The following CACNB2 variants were observed in gnomAD, a reference collection of about 807,000 sequenced individuals.
The protein encoded by CACNB2 is calcium voltage-gated channel auxiliary subunit beta 2.
In CACNB2, 42 loss-of-function variants were observed where a neutral mutation model predicts 73.3. The observed-to-expected ratio is 0.57, with a 90% CI of 0.45 to 0.74. The LOEUF is 0.74. CACNB2 is among the 30% of genes least tolerant of loss of function. The pLI is 0.00. For missense variants in CACNB2, 940 were observed against 853.0 expected, an observed-to-expected ratio of 1.10 and a Z score of -1.27; for synonymous variants, 348 against 310.3, an observed-to-expected ratio of 1.12 and a Z score of -1.28.
chr10:18,149,271 A>G (rs904871149), intron 1 of CACNB2, among the ~76,000 whole-genome samples: 2 of 152,192 alleles, frequency 1.3e-5, no homozygotes, highest in Non-Finnish European at 2.9e-5. Flanking sequence ...TTACATAATA[A>G]TTGGAAAAGA....
intron 5 of CACNB2, among the ~76,000 whole-genome samples, chr10:18,502,116 G>T (rs953176328): frequency 3.3e-5 from 5 of 152,180 alleles, no homozygotes; most frequent in African/African-American, 1.2e-4. Flanking sequence ...AGACGAGCCT[G>T]GCCAACATGG....
intron 3 of CACNB2, among the ~76,000 whole-genome samples, chr10:18,421,083 T>A (rs754456290): frequency 1.3e-5 from 2 of 152,180 alleles, no homozygotes; most frequent in Non-Finnish European, 2.9e-5. Flanking sequence ...AAAATTCATA[T>A]GTATGTAAAA....
intron 2 of CACNB2, among the ~76,000 whole-genome samples, chr10:18,174,373 TTC>T (rs1281974927): frequency 4.6e-5 from 4 of 87,324 alleles, no homozygotes; most frequent in Non-Finnish European, 8.6e-5. Flanking sequence ...TTTTCTTTCT[TTC>T]TCTTTTTCTT....
chr10:18,428,504 T>C (rs1396286509), intron 3 of CACNB2, among the ~76,000 whole-genome samples: 1 of 152,134 alleles, frequency 6.6e-6, no homozygotes, highest in East Asian at 1.9e-4. Context: ...TTGGCCAACA[T>C]GGTGAAACCC....
intron 3 of CACNB2, among the ~76,000 whole-genome samples, chr10:18,434,488 G>T (rs1352209502): frequency 6.6e-6 from 1 of 152,090 alleles, no homozygotes; most frequent in Non-Finnish European, 1.5e-5. Context: ...GTGATTTTCA[G>T]GACACAACCT....
chr10:18,301,702 G>A (rs1416398489), intron 2 of CACNB2, among the ~76,000 whole-genome samples: 2 of 150,704 alleles, frequency 1.3e-5, no homozygotes, highest in African/African-American at 2.4e-5. Context: ...AGGCTGGAGT[G>A]CAGTGGCACA....
At chr10:18,384,384 G>A (rs891867375) in intron 2 of CACNB2, among the ~76,000 whole-genome samples, 5 of 152,076 alleles carry the variant, frequency 3.3e-5, no homozygotes, top group African/African-American at 1.2e-4. Flanking sequence ...GTCTTTCATA[G>A]AAAATGACCT....
At chr10:18,450,141 C>T (rs16917373) in intron 3 of CACNB2, among the ~76,000 whole-genome samples, 4,283 of 152,242 alleles carry the variant, frequency 0.028, 216 homozygotes, top group African/African-American at 0.099. Context: ...GGTTAATGTG[C>T]AGTTCCAACC....
intron 2 of CACNB2, among the ~76,000 whole-genome samples, chr10:18,358,509 T>G (rs2042013143): frequency 1.8e-5 from 1 of 54,868 alleles, no homozygotes; most frequent in Non-Finnish European, 4.1e-5. Context: ...TCTCTCTCTC[T>G]CTCTCTCTCT....
At chr10:18,443,800 C>T (rs907860719) in intron 3 of CACNB2, among the ~76,000 whole-genome samples, 4 of 151,744 alleles carry the variant, frequency 2.6e-5, no homozygotes, top group African/African-American at 9.7e-5. Context: ...CTGAAACCTC[C>T]ACCTCCCAGG....
intron 2 of CACNB2, among the ~76,000 whole-genome samples, chr10:18,368,754 T>C (rs1333760333): frequency 1.3e-5 from 2 of 152,174 alleles, no homozygotes; most frequent in African/African-American, 4.8e-5. Flanking sequence ...ACCTGTTATA[T>C]ATGATTATGC....
intron 2 of CACNB2, among the ~76,000 whole-genome samples, chr10:18,379,064 G>GT (rs2042913736): frequency 6.6e-6 from 1 of 152,070 alleles, no homozygotes; most frequent in East Asian, 1.9e-4. Context: ...CTGTGTGTCA[G>GT]TTTTTTATTG....
intron 2 of CACNB2, among the ~76,000 whole-genome samples, chr10:18,276,048 C>T (rs555085728): frequency 4.6e-5 from 7 of 152,182 alleles, no homozygotes; most frequent in Non-Finnish European, 8.8e-5. Context: ...AAAGTATTAA[C>T]ATATATTTTA....
intron 2 of CACNB2, among the ~76,000 whole-genome samples, chr10:18,228,814 G>T (rs956002673): frequency 6.6e-6 from 1 of 151,978 alleles, no homozygotes; most frequent in Admixed American, 6.6e-5. Flanking sequence ...ATCCCAGCTC[G>T]CTGCAGCCTC....
intron 2 of CACNB2, 175 bp downstream of exon 2, chr10:18,151,150 C>T (rs2031522000): frequency 3.6e-6 from 2 of 558,080 alleles, no homozygotes; most frequent in Non-Finnish European, 6.3e-6. Context: ...TTAAGTGAGA[C>T]TAAGTAATAA....
intron 2 of CACNB2, among the ~76,000 whole-genome samples, chr10:18,347,698 T>C (rs2041526326): frequency 6.6e-6 from 1 of 152,184 alleles, no homozygotes; most frequent in Admixed American, 6.5e-5. Flanking sequence ...GTCTTTACTT[T>C]GAAGCCTGAG....
chr10:18,294,717 A>G (rs1298870045), intron 2 of CACNB2, among the ~76,000 whole-genome samples: 1 of 152,256 alleles, frequency 6.6e-6, no homozygotes, highest in Non-Finnish European at 1.5e-5. Context: ...GCTCAGATGC[A>G]AAGGCAGGAG....
intron 1 of CACNB2, among the ~76,000 whole-genome samples, chr10:18,146,322 T>C (rs1435585587): frequency 6.7e-6 from 1 of 149,894 alleles, no homozygotes. Context: ...TTTTTTTTTT[T>C]TTTTTGAGAT....
chr10:18,296,172 C>T (rs1040076507), intron 2 of CACNB2, among the ~76,000 whole-genome samples: 2 of 151,750 alleles, frequency 1.3e-5, no homozygotes, highest in African/African-American at 2.4e-5. Context: ...CTGGTCTTTC[C>T]GACAATAACA....
Sources: gnomAD v4.1 joint callset for allele counts (sites outside exome capture counted in the v4.1 genomes callset) on GRCh38, gnomAD v4.1.1 for gene constraint, MANE v1.5 for transcripts, NCBI Gene and HGNC (gene_info 2026-07-23, HGNC 2026-07-21) for gene names.